The following ABLIM2 variants were observed in gnomAD, a reference collection of about 807,000 sequenced individuals.
ABLIM2 encodes actin binding LIM protein family member 2.
ABLIM2 carries 53 observed loss-of-function variants against 97.7 expected under a neutral mutation model. That is an observed-to-expected ratio of 0.54 (90% confidence interval 0.44 to 0.68). The LOEUF (loss-of-function observed/expected upper bound fraction) is 0.68. Among genes scored for constraint, ABLIM2 ranks in the 30% least tolerant of loss-of-function variants. The pLI, the probability that ABLIM2 is intolerant of heterozygous loss-of-function variation, is 0.00. For missense variants in ABLIM2, 835 were observed against 867.2 expected, an observed-to-expected ratio of 0.96 and a Z score of 0.47; for synonymous variants, 361 against 345.8, an observed-to-expected ratio of 1.04 and a Z score of -0.49.
chr4:8,088,157 G>A lies in ABLIM2; in HGVS notation c.454+12C>T. On this transcript the variant is annotated intron_variant, in intron 4 of 20. Coordinates refer to ENST00000447017, the MANE Select transcript of ABLIM2 (RefSeq NM_001130083.2). ...CCCCCACTCAACATGCCCCCACTCA[G>A]CGCCCACTTACTTCGGAGGCCCTGG... The A allele has an allele frequency of 1.9e-6, 3 of 1,569,690 alleles. No individual in the cohort carries two copies. Among genetic ancestry groups the A allele is most frequent in the Non-Finnish European group, 2.6e-6 (3 of 1,161,186 alleles).
chr4:8,127,489 A>T lies in ABLIM2; in HGVS notation c.11-20852T>A. ...GCTCCCAGTCCCCTGAAGCTGACTC[A>T]TGGAGCTCACGGCTCCCAGCCGGAT... On this transcript the variant is annotated intron_variant, in intron 1 of 20. Coordinates refer to ENST00000447017, the MANE Select transcript of ABLIM2 (RefSeq NM_001130083.2). This position sits in a 1 kb window ranked among gnomAD's most constrained non-coding sequence, Gnocchi z 7.3. 1 of 1,289,268 alleles carries T rather than the reference A, an allele frequency of 7.8e-7. No individual in the cohort carries two copies. The allele number at this position is 1,289,268 out of a possible 1,614,324, so 79.9% of individuals were successfully genotyped here.
In ABLIM2 at chr4:8,112,206, G is replaced by A. The variant is rs1840682772; in HGVS notation, c.11-5569C>T. Among the ~76,000 whole-genome samples the A allele has an allele frequency of 6.6e-6, 1 of 152,134 alleles. No homozygotes were observed. The highest frequency in any genetic ancestry group is 6.5e-5 in the Admixed American group (1 of 15,274). ...CACAACCTTCACAACAAAGGGACGTGGCTCTCTCAGGAAATCCCCCTGCCT... is the reference window on the plus strand; with the variant it reads ...CACAACCTTCACAACAAAGGGACGTAGCTCTCTCAGGAAATCCCCCTGCCT... On this transcript the variant is annotated intron_variant, in intron 1 of 20. Transcript: ENST00000447017. The surrounding 1 kb of genome is among the most constrained non-coding windows in gnomAD (Gnocchi z 4.2).
intron 10 of ABLIM2, among the ~76,000 whole-genome samples, chr4:8,034,705 G>A (rs1223861525): frequency 1.1e-5 from 1 of 95,034 alleles, no homozygotes; most frequent in African/African-American, 4.5e-5. Flanking sequence ...GTACAGGTGG[G>A]TAGTGGGTGG....
chr4:8,088,361 G>C (rs1206306032), intron 3 of ABLIM2, 77 bp from the exon 4 acceptor site: 1 of 1,161,558 alleles, frequency 8.6e-7, no homozygotes, highest in Admixed American at 2.0e-5. Context: ...CAGTGCAGGA[G>C]ACCAGGGCCA....
rs751515704 is a variant in ABLIM2, at chr4:8,083,542, C to G, written c.455-2740G>C. ...AACTGCAGAGGGGATGTGAACCTCA[C>G]ACCTGCCTCGGCCCCCTCATTCTCC... On this transcript the variant is annotated intron_variant, in intron 4 of 20. Transcript: ENST00000447017. This position sits in a 1 kb window ranked among gnomAD's most constrained non-coding sequence, Gnocchi z 4.6. 6.6e-6 allele frequency among the ~76,000 whole-genome samples: 1 copy of G among 152,244 alleles called. No individual in the cohort carries two copies.
chr4:8,073,736 T>C (rs1031241377), intron 6 of ABLIM2, among the ~76,000 whole-genome samples: 22 of 152,176 alleles, frequency 1.4e-4, no homozygotes, highest in African/African-American at 1.9e-4. Flanking sequence ...AGACCCTAAA[T>C]AGATAAGCAG....
chr4:8,088,218 G>A lies in ABLIM2; in HGVS notation c.405C>T (p.Ser135=), dbSNP rs772410505. 2 of 1,612,722 alleles carry A rather than the reference G, an allele frequency of 1.2e-6. No homozygotes were observed. Among genetic ancestry groups the A allele is most frequent in the Non-Finnish European group, 1.7e-6 (2 of 1,179,644 alleles). ...CGCTGCTGCCCACCGATACGGGCAG[G>A]GAACACTTCTGGCACATGCATTCCT... ...NGKECMCQKC[S]LPVSVGSSAH... is the part of the protein sequence containing the mutation. The change falls in exon 4 of 21, where the codon TCC becomes TCT. Residue 135 remains serine (S), a synonymous_variant. Transcript: ENST00000447017.
rs1394466954 is a variant in ABLIM2, at chr4:8,029,666, G to A, written c.1158C>T (p.Tyr386=). 4 of 1,545,774 alleles carry A rather than the reference G, an allele frequency of 2.6e-6. No homozygotes were observed. Among genetic ancestry groups the A allele is most frequent in the Non-Finnish European group, 8.7e-7 (1 of 1,143,770 alleles). Residue 386 remains tyrosine (Y), a synonymous_variant, in exon 11 of 21, where the codon TAC becomes TAT. Transcript: ENST00000447017. ...YTPTSRSPQH[Y]SRPAGTVSVG... ...CAGGGGGCCAAGTACCTGGACGGCT[G>A]TAGTGCTGTGGTGACCGTGAGGTCG...
chr4:8,066,146 A>G (rs1436131417), intron 6 of ABLIM2, among the ~76,000 whole-genome samples: 2 of 150,370 alleles, frequency 1.3e-5, no homozygotes, highest in Non-Finnish European at 3.0e-5. Flanking sequence ...CTAAAAAAAA[A>G]TTACAAAAAA....
intron 17 of ABLIM2, among the ~76,000 whole-genome samples, chr4:7,990,517 G>A (rs1046877438): frequency 3.3e-5 from 5 of 152,096 alleles, no homozygotes; most frequent in Non-Finnish European, 5.9e-5. Context: ...TTGTTTGTTT[G>A]TTTTGATGTA....
intron 15 of ABLIM2, among the ~76,000 whole-genome samples, chr4:8,008,643 C>T (rs1024480224): frequency 3.9e-5 from 6 of 152,334 alleles, no homozygotes; most frequent in South Asian, 4.1e-4. Context: ...GCCCTGGCTC[C>T]GGCTGCGTTC....
rs147472338 is a variant in ABLIM2 at position 8,035,651 on chromosome 4, C to T, written c.1047+498G>A. 2.0e-4 allele frequency among the ~76,000 whole-genome samples: 30 copies of T among 152,322 alleles called. No homozygotes were observed. The East Asian group carries it at 5.8e-3, about 29-fold the overall frequency. ...AGAAACCTCTGAGGAGTAGGAACGC[C>T]GTCCACAGGCAGGCCAGGAAATAAA... On this transcript the variant is annotated intron_variant, in intron 10 of 20. Transcript: ENST00000447017.
chr4:7,995,377 G>A (rs1560485267), intron 16 of ABLIM2, among the ~76,000 whole-genome samples: 1 of 152,228 alleles, frequency 6.6e-6, no homozygotes, highest in East Asian at 1.9e-4. Context: ...GGCCTCCGAG[G>A]GGAAGGTGGC....
At chr4:7,994,719 T>C (rs1184709166) in intron 16 of ABLIM2, among the ~76,000 whole-genome samples, 1 of 113,302 alleles carries the variant, frequency 8.8e-6, no homozygotes, top group African/African-American at 2.8e-5. Flanking sequence ...CCACCAACAG[T>C]GTAAAAGTGT....
At chr4:8,035,305 A>G (rs904875467) in intron 10 of ABLIM2, among the ~76,000 whole-genome samples, 1 of 152,108 alleles carries the variant, frequency 6.6e-6, no homozygotes, top group African/African-American at 2.4e-5. Flanking sequence ...CCCAGCAGCC[A>G]TGACTTTCTC....
chr4:8,079,441 G>A lies in ABLIM2; in HGVS notation c.581+1235C>T, dbSNP rs185140018. Among the ~76,000 whole-genome samples, 7 of 152,260 alleles carry A rather than the reference G, an allele frequency of 4.6e-5. No individual in the cohort carries two copies. The East Asian group carries it at 7.7e-4, about 17-fold the overall frequency. Reference sequence around the variant, plus strand: ...TTTTCATTTTATATTAAAGTGCTGCGTGCACCACACCGGGCGGTCCCTGGA... The same window carrying A: ...TTTTCATTTTATATTAAAGTGCTGCATGCACCACACCGGGCGGTCCCTGGA... On this transcript the variant is annotated intron_variant, in intron 5 of 20. Transcript: ENST00000447017.
At chr4:8,074,389 C>G (rs1814566311) in intron 6 of ABLIM2, among the ~76,000 whole-genome samples, 1 of 152,130 alleles carries the variant, frequency 6.6e-6, no homozygotes, top group Non-Finnish European at 1.5e-5. Flanking sequence ...GAGGTCGAGG[C>G]TACAGGGAGC....
intron 14 of ABLIM2, among the ~76,000 whole-genome samples, chr4:8,014,509 A>T (rs1767407303): frequency 6.6e-6 from 1 of 152,182 alleles, no homozygotes; most frequent in South Asian, 2.1e-4. Context: ...TATGTGAGTG[A>T]GTATGTGGGC....
At chr4:8,139,469 G>A (rs1374798601) in intron 1 of ABLIM2, among the ~76,000 whole-genome samples, 1 of 152,060 alleles carries the variant, frequency 6.6e-6, no homozygotes, top group Non-Finnish European at 1.5e-5. Context: ...CACAAAAGAA[G>A]ACATTTACAC....
Sources: gnomAD v4.1 joint callset for allele counts (sites outside exome capture counted in the v4.1 genomes callset) on GRCh38, gnomAD v4.1.1 for gene constraint, Gnocchi (gnomAD v3.1) non-coding constraint, MANE v1.5 for transcripts, NCBI Gene and HGNC (gene_info 2026-07-23, HGNC 2026-07-21) for gene names.